The following MACROD2 variants were observed in gnomAD, a reference collection of about 807,000 sequenced individuals.
The protein encoded by MACROD2 is ADP-ribose glycohydrolase MACROD2.
A neutral mutation model predicts 70.4 loss-of-function variants in MACROD2; 36 were observed. The ratio of observed to expected loss-of-function variants is 0.51; its 90% CI spans 0.39 to 0.68. The LOEUF is 0.68. Among genes scored for constraint, MACROD2 ranks in the 30% least tolerant of loss-of-function variants. The pLI, the probability that MACROD2 is intolerant of heterozygous loss-of-function variation, is 0.00. For missense variants in MACROD2, 496 were observed against 538.4 expected, an observed-to-expected ratio of 0.92 and a Z score of 0.78; for synonymous variants, 172 against 178.8, an observed-to-expected ratio of 0.96 and a Z score of 0.30.
At chr20:15,596,806 G>T (rs925819338) in intron 8 of MACROD2, among the ~76,000 whole-genome samples, 1 of 152,202 alleles carries the variant, frequency 6.6e-6, no homozygotes, top group Admixed American at 6.5e-5. Context: ...GCCCTGGTCA[G>T]ACATTCCTAC....
At chr20:14,825,924 G>T (rs1490289769) in intron 5 of MACROD2, among the ~76,000 whole-genome samples, 1 of 152,080 alleles carries the variant, frequency 6.6e-6, no homozygotes, top group Non-Finnish European at 1.5e-5. Context: ...TAGTTAATTG[G>T]ACCTTCACCT....
At chr20:15,489,794 G>GCCAGGTT (rs1285585651) in intron 7 of MACROD2, among the ~76,000 whole-genome samples, 1 of 152,096 alleles carries the variant, frequency 6.6e-6, no homozygotes, top group African/African-American at 2.4e-5. Flanking sequence ...CCAACAACAT[G>GCCAGGTT]CCAGGTTCCA....
intron 5 of MACROD2, among the ~76,000 whole-genome samples, chr20:15,034,822 T>C (rs2075301286): frequency 1.3e-5 from 2 of 152,198 alleles, no homozygotes; most frequent in Admixed American, 6.5e-5. Flanking sequence ...TATTTAGTAG[T>C]TGAAAACAAT....
intron 8 of MACROD2, among the ~76,000 whole-genome samples, chr20:15,649,349 T>A (rs2049609709): frequency 6.6e-6 from 1 of 151,836 alleles, no homozygotes; most frequent in African/African-American, 2.4e-5. Flanking sequence ...ATAGCACATG[T>A]TTACAAAGGT....
chr20:15,122,238 A>G (rs895797699), intron 5 of MACROD2, among the ~76,000 whole-genome samples: 13 of 152,166 alleles, frequency 8.5e-5, no homozygotes, highest in Non-Finnish European at 1.5e-4. Context: ...CACGGACATT[A>G]GGCTCTGTAA....
At chr20:15,344,020 G>A (rs1222857178) in intron 6 of MACROD2, among the ~76,000 whole-genome samples, 1 of 152,100 alleles carries the variant, frequency 6.6e-6, no homozygotes, top group African/African-American at 2.4e-5. Context: ...GAAAGGAGCA[G>A]GAATCTAAAT....
At chr20:14,172,238 G>A (rs1232002842) in intron 3 of MACROD2, among the ~76,000 whole-genome samples, 2 of 151,500 alleles carry the variant, frequency 1.3e-5, no homozygotes, top group Non-Finnish European at 2.9e-5. Flanking sequence ...CTTTTTGTTA[G>A]GTGAGCCTCT....
At chr20:14,099,784 T>C (rs2054274281) in intron 3 of MACROD2, among the ~76,000 whole-genome samples, 2 of 152,184 alleles carry the variant, frequency 1.3e-5, no homozygotes, top group South Asian at 2.1e-4. Flanking sequence ...TAGCAGTGTA[T>C]GAGAGTTCTT....
chr20:14,629,941 TTATGTG>T (rs1185400776), intron 4 of MACROD2, among the ~76,000 whole-genome samples: 1 of 150,900 alleles, frequency 6.6e-6, no homozygotes, highest in Non-Finnish European at 1.5e-5. Flanking sequence ...TCAGATCCTA[TTATGTG>T]CTAAGGTCTA....
At chr20:14,715,510 C>T (rs1250661264) in intron 5 of MACROD2, among the ~76,000 whole-genome samples, 1 of 152,106 alleles carries the variant, frequency 6.6e-6, no homozygotes, top group African/African-American at 2.4e-5. Flanking sequence ...TCCTTCATAC[C>T]TTGGAGAGTG....
intron 5 of MACROD2, among the ~76,000 whole-genome samples, chr20:14,753,358 A>G (rs1400264826): frequency 1.3e-5 from 2 of 152,064 alleles, no homozygotes; most frequent in Non-Finnish European, 2.9e-5. Flanking sequence ...CCTTACCAGC[A>G]CCCAACCTAG....
intron 2 of MACROD2, among the ~76,000 whole-genome samples, chr20:14,058,818 A>G (rs751586746): frequency 2.6e-5 from 4 of 151,588 alleles, no homozygotes; most frequent in Non-Finnish European, 5.9e-5. Flanking sequence ...TAATTTTTGT[A>G]TTTTTAGTAG....
At chr20:15,741,521 A>G (rs1301108996) in intron 8 of MACROD2, among the ~76,000 whole-genome samples, 4 of 151,824 alleles carry the variant, frequency 2.6e-5, no homozygotes, top group Admixed American at 6.6e-5. Flanking sequence ...GGCTGTTTTT[A>G]CAGTATGGAA....
At chr20:14,623,710 G>A (rs529484543) in intron 4 of MACROD2, among the ~76,000 whole-genome samples, 13 of 152,148 alleles carry the variant, frequency 8.5e-5, no homozygotes, top group Non-Finnish European at 1.8e-4. Flanking sequence ...GCCAGTGGTA[G>A]CCATCCTCTG....
intron 3 of MACROD2, among the ~76,000 whole-genome samples, chr20:14,462,945 G>T (rs1232231604): frequency 6.6e-6 from 1 of 152,066 alleles, no homozygotes; most frequent in Non-Finnish European, 1.5e-5. Flanking sequence ...TAGCCTTGTA[G>T]TATAGTTTGA....
intron 8 of MACROD2, among the ~76,000 whole-genome samples, chr20:15,825,320 A>T (rs79942376): frequency 0.019 from 2,879 of 152,240 alleles, 48 homozygotes; most frequent in Middle Eastern, 0.051. Flanking sequence ...TCCAGGACAC[A>T]GGCATCATAC....
At chr20:15,625,753 A>T (rs1214669386) in intron 8 of MACROD2, among the ~76,000 whole-genome samples, 1 of 152,140 alleles carries the variant, frequency 6.6e-6, no homozygotes, top group Admixed American at 6.5e-5. Context: ...CTTGGGAATG[A>T]TTGGAACAAC....
intron 7 of MACROD2, among the ~76,000 whole-genome samples, chr20:15,498,948 C>T (rs563074027): frequency 1.3e-5 from 2 of 152,248 alleles, no homozygotes; most frequent in East Asian, 3.9e-4. Context: ...GCTCAAAGAG[C>T]GTAGTTTCAG....
intron 5 of MACROD2, among the ~76,000 whole-genome samples, chr20:14,744,699 C>T (rs1402559933): frequency 6.6e-6 from 1 of 152,132 alleles, no homozygotes; most frequent in Non-Finnish European, 1.5e-5. Context: ...TTAAGAAGTG[C>T]TTTTGCATTC....
Sources: allele counts gnomAD v4.1 joint callset (sites outside exome capture counted in the v4.1 genomes callset), GRCh38; gene constraint gnomAD v4.1.1; transcripts MANE v1.5; gene names NCBI Gene and HGNC (gene_info 2026-07-23, HGNC 2026-07-21).